The following CD34 variants were observed in gnomAD, a reference collection of about 807,000 sequenced individuals.
The protein encoded by CD34 is CD34 molecule.
In CD34, 34 loss-of-function variants were observed where a neutral mutation model predicts 40.1. That is an observed-to-expected ratio of 0.85 (90% confidence interval 0.65 to 1.13). The LOEUF (loss-of-function observed/expected upper bound fraction) is 1.13, where lower values mean the gene tolerates loss of function less well. Among genes scored for constraint, CD34 ranks in the 50% most tolerant of loss-of-function variants. The pLI is 0.00. For synonymous variants in CD34, 209 were observed against 190.0 expected, an observed-to-expected ratio of 1.10 and a Z score of -0.82; for missense variants, 426 against 466.9, an observed-to-expected ratio of 0.91 and a Z score of 0.81.
In CD34 at chr1:207,887,296, C is replaced by CGTA; in HGVS notation, c.*441_*442insTAC. Reference sequence around the variant, plus strand: ...AGGTGCAAAAGGTTACTTTGGTTTCCTCAAAGTAGAGAAAGAAAATACAGG... The same window carrying CGTA: ...AGGTGCAAAAGGTTACTTTGGTTTCCGTATCAAAGTAGAGAAAGAAAATACAGG... On this transcript the variant is annotated 3_prime_UTR_variant, in exon 8 of 8. Transcript: ENST00000310833. 6.0e-6 allele frequency: 1 copy of CGTA among 168,058 alleles called. No individual in the cohort carries two copies. Among genetic ancestry groups the CGTA allele is most frequent in the South Asian group, 1.6e-4 (1 of 6,122 alleles). The allele number at this position is 168,058 out of a possible 1,614,324, so 10.4% of individuals were successfully genotyped here.
rs991005734 is a variant in CD34, at chr1:207,882,656, G to A, written c.*5082C>T. On this transcript the variant is annotated 3_prime_UTR_variant, in exon 8 of 8. Coordinates refer to ENST00000310833, the MANE Select transcript of CD34 (RefSeq NM_001025109.2). ...TCAGCAAAGAAATAGAAGGTATAAA[G>A]AAGAATCACATGCTTTGCTTGAGCC... 1.3e-5 allele frequency: 2 copies of A among 152,144 alleles called. No homozygotes were observed. Among genetic ancestry groups the A allele is most frequent in the African/African-American group, 4.8e-5 (2 of 41,430 alleles). The allele number at this position is 152,144 out of a possible 1,614,324, so 9.4% of individuals were successfully genotyped here. A position where few individuals can be genotyped will look rare whatever the true frequency, so the allele number is the denominator to read the frequency against.
intron 1 of CD34, among the ~76,000 whole-genome samples, chr1:207,906,217 T>C (rs530207524): frequency 9.2e-5 from 14 of 152,246 alleles, no homozygotes; most frequent in African/African-American, 3.4e-4. Flanking sequence ...AAGAATAGAA[T>C]TAGAACTAAT....
In CD34 at chr1:207,884,804, C is replaced by T. The variant is rs1661866842; in HGVS notation, c.*2934G>A. 6.6e-6 allele frequency: 1 copy of T among 152,258 alleles called. No homozygotes were observed. The highest frequency in any genetic ancestry group is 2.1e-4 in the South Asian group (1 of 4,816). 9.4% of individuals were successfully genotyped at this position (152,258 alleles called of 1,614,324 possible). A position where few individuals can be genotyped will look rare whatever the true frequency, so the allele number is the denominator to read the frequency against. On this transcript the variant is annotated 3_prime_UTR_variant, in exon 8 of 8. Coordinates refer to ENST00000310833, the MANE Select transcript of CD34 (RefSeq NM_001025109.2). ...GCCGAACCTCATGGCCTCCTGTGAT[C>T]TTTGTCCTGGGGCTCCTCCAGGACC...
At chr1:207,900,431 C>T (rs562297350) in intron 1 of CD34, among the ~76,000 whole-genome samples, 1 of 152,250 alleles carries the variant, frequency 6.6e-6, no homozygotes, top group South Asian at 2.1e-4. Context: ...TAAAATTACA[C>T]CTGCATAAAT....
intron 1 of CD34, among the ~76,000 whole-genome samples, chr1:207,908,527 T>C (rs951916333): frequency 3.9e-5 from 6 of 152,168 alleles, no homozygotes; most frequent in Non-Finnish European, 8.8e-5. Flanking sequence ...CTGGACAGGA[T>C]ATGGGTGTGG....
At chr1:207,904,156 G>C (rs1662332780) in intron 1 of CD34, among the ~76,000 whole-genome samples, 1 of 152,202 alleles carries the variant, frequency 6.6e-6, no homozygotes, top group Non-Finnish European at 1.5e-5. Context: ...CATATTTTAA[G>C]AGACTGAGTT....
At chr1:207,889,880 T>C (rs762110064) in intron 4 of CD34, 3 of 1,546,862 alleles carry the variant, frequency 1.9e-6, no homozygotes. Flanking sequence ...CTTAAAAAAA[T>C]TGTCTCGTTG....
At chr1:207,909,234 C>A (rs1361190499) in intron 1 of CD34, among the ~76,000 whole-genome samples, 1 of 152,100 alleles carries the variant, frequency 6.6e-6, no homozygotes, top group African/African-American at 2.4e-5. Flanking sequence ...CCAACCCCAA[C>A]CTCGGCAGGC....
At chr1:207,901,011 T>TTC (rs1190615005) in intron 1 of CD34, among the ~76,000 whole-genome samples, 5 of 151,436 alleles carry the variant, frequency 3.3e-5, no homozygotes, top group Admixed American at 6.6e-5. Context: ...TTTTTTTTTT[T>TTC]TTTAAGACAG....
chr1:207,897,442 G>C (rs1202597761), intron 4 of CD34, 51 bp downstream of exon 4: 16 of 1,303,448 alleles, frequency 1.2e-5, no homozygotes, highest in Admixed American at 2.0e-5. Flanking sequence ...AGAAGGGATG[G>C]AGGAAAGGGA....
At position 207,888,074 on chromosome 1, in the gene CD34, T is replaced by C. The variant is rs760994192; in HGVS notation, c.973-151A>G. 3.1e-6 allele frequency: 5 copies of C among 1,613,618 alleles called. No homozygotes were observed. The East Asian group carries it at 1.1e-4, about 36-fold the overall frequency. ...GGATCGGAGGGAGGGTGCAGCTGCA[T>C]GTGCAGACTCCTTTCTTCCTGAAGA... On this transcript the variant is annotated intron_variant, in intron 7 of 7. Transcript: ENST00000310833.
At chr1:207,897,299 G>C (rs1302159549) in intron 4 of CD34, among the ~76,000 whole-genome samples, 194 bp downstream of exon 4, 4 of 152,088 alleles carry the variant, frequency 2.6e-5, no homozygotes, top group African/African-American at 9.7e-5. Context: ...AATTGTTATT[G>C]TCTTTTTTGC....
At chr1:207,902,423 T>C (rs1662289775) in intron 1 of CD34, among the ~76,000 whole-genome samples, 3 of 152,208 alleles carry the variant, frequency 2.0e-5, no homozygotes, top group Admixed American at 6.5e-5. Context: ...TCAAAATAAA[T>C]TGATGCAGAA....
rs564339784 is a variant in CD34, at chr1:207,905,606, C to A, written c.79+5396G>T. Among the ~76,000 whole-genome samples the A allele has an allele frequency of 2.6e-5, 4 of 152,042 alleles. No homozygotes were observed. In the South Asian group the frequency reaches 8.3e-4, roughly 31 times the overall value. On this transcript the variant is annotated intron_variant, in intron 1 of 7. Transcript: ENST00000310833. ...TTGGGGAGGAAAAATAAATAACTTT[C>A]TTTAAGATGCATGTTATTTACACTG...
Position 207,883,350 on chromosome 1 carries a change from A to G in CD34, c.*4388T>C, listed in dbSNP as rs1398041498. 2.6e-5 allele frequency: 4 copies of G among 152,248 alleles called. No homozygotes were observed. The highest frequency in any genetic ancestry group is 1.5e-5 in the Non-Finnish European group (1 of 68,044). The allele number at this position is 152,248 out of a possible 1,614,324, so 9.4% of individuals were successfully genotyped here. A position where few individuals can be genotyped will look rare whatever the true frequency, so the allele number is the denominator to read the frequency against. ...GGACCCACTCAGAAACCACCTGTTC[A>G]TGACCCAGTCTCAGATCTTCTCAGC... On this transcript the variant is annotated 3_prime_UTR_variant, in exon 8 of 8. Transcript: ENST00000310833.
At chr1:207,898,329 G>T (rs1007251714) in intron 3 of CD34, among the ~76,000 whole-genome samples, 1 of 152,142 alleles carries the variant, frequency 6.6e-6, no homozygotes, top group African/African-American at 2.4e-5. Context: ...ACAGGCATGA[G>T]CCACCACGCC....
chr1:207,895,235 G>A (rs1476106090), intron 4 of CD34, among the ~76,000 whole-genome samples: 4 of 152,158 alleles, frequency 2.6e-5, no homozygotes, highest in Non-Finnish European at 4.4e-5. Context: ...AGGTCATCTT[G>A]GACATAATCG....
intron 4 of CD34, among the ~76,000 whole-genome samples, chr1:207,892,779 G>C (rs1413858682): frequency 2.6e-5 from 4 of 151,952 alleles, no homozygotes; most frequent in Admixed American, 6.6e-5. Context: ...GTGTGTGTTG[G>C]GGGGAGTGCA....
chr1:207,889,247 G>A (rs1374484962), intron 5 of CD34, 34 bp from the exon 6 acceptor site: 2 of 1,613,960 alleles, frequency 1.2e-6, no homozygotes, highest in Non-Finnish European at 1.7e-6. Flanking sequence ...TAAATCTAAA[G>A]AGAAACCAGC....
Sources: allele counts gnomAD v4.1 joint callset (sites outside exome capture counted in the v4.1 genomes callset), GRCh38; gene constraint gnomAD v4.1.1; transcripts MANE v1.5; gene names NCBI Gene and HGNC (gene_info 2026-07-23, HGNC 2026-07-21).